The following THBS1 variants were observed in gnomAD, a reference collection of about 807,000 sequenced individuals.
The protein encoded by THBS1 is thrombospondin-1.
In THBS1, 29 loss-of-function variants were observed where a neutral mutation model predicts 126.1. The observed-to-expected ratio is 0.23, with a 90% CI of 0.17 to 0.31. The LOEUF (loss-of-function observed/expected upper bound fraction) is 0.31, where lower values mean the gene tolerates loss of function less well. Ranked by LOEUF, THBS1 falls within the 10% of genes least tolerant of loss-of-function variation. The pLI is 1.00. For missense variants in THBS1, 1,198 were observed against 1,545.2 expected, an observed-to-expected ratio of 0.78 and a Z score of 3.77; for synonymous variants, 496 against 577.8, an observed-to-expected ratio of 0.86 and a Z score of 2.03.
chr15:39,590,511 C>G lies in THBS1; in HGVS notation c.2146-5C>G. 6.2e-7 allele frequency: 1 copy of G among 1,611,406 alleles called. No homozygotes were observed. The highest frequency in any genetic ancestry group is 8.5e-7 in the Non-Finnish European group (1 of 1,178,492). ...AAGCAGTGATATATATCTTCTCTTT[C>G]CTAGGATAATTGCCCCAACCTTCCC... On this transcript the variant is annotated splice_polypyrimidine_tract_variant and splice_region_variant and intron_variant, in intron 13 of 21. Transcript: ENST00000260356.
rs1421921093 is a variant in THBS1 at position 39,583,681 on chromosome 15, G to C, written c.692G>C (p.Gly231Ala). The C allele has an allele frequency of 1.9e-6, 3 of 1,613,918 alleles. No homozygotes were observed. Among genetic ancestry groups the C allele is most frequent in the Non-Finnish European group, 2.5e-6 (3 of 1,179,930 alleles). Residue 231 changes from glycine (G) to alanine (A), a missense_variant, in exon 4 of 22, where the codon GGC becomes GCC. By Grantham distance (60) the Gly-to-Ala change is moderately conservative. Around this residue, in one of 4 missense-constraint regions of THBS1, gnomAD observed 663 missense variants for 860.1 expected, o/e 0.77. Coordinates refer to ENST00000260356, the MANE Select transcript of THBS1 (RefSeq NM_003246.4). ...CCAGAAGACATCCTCAGGAACAAAG[G>C]CTGCTCCAGCTGTGAGTACCCCTCT... ...TTPEDILRNKGCSSSTSVLLT... is the reference protein window; with the variant it reads ...TTPEDILRNKACSSSTSVLLT...
Position 39,591,952 on chromosome 15 carries a change from A to G in THBS1, c.2532+329A>G, listed in dbSNP as rs190312758. ...TGACTGACAACTGTACAATAATATT[A>G]ATCATATGTAATACTAAGAGATGGA... On this transcript the variant is annotated intron_variant, in intron 16 of 21. Coordinates refer to ENST00000260356, the MANE Select transcript of THBS1 (RefSeq NM_003246.4). 5.3e-5 allele frequency among the ~76,000 whole-genome samples: 8 copies of G among 152,332 alleles called. No homozygotes were observed. The East Asian group carries it at 1.5e-3, about 29-fold the overall frequency.
chr15:39,589,391 G>A lies in THBS1; in HGVS notation c.1926+37G>A. 5 of 1,610,122 alleles carry A rather than the reference G, an allele frequency of 3.1e-6. No individual in the cohort carries two copies. Among genetic ancestry groups the A allele is most frequent in the South Asian group, 1.1e-5 (1 of 90,784 alleles). The stretch of plus-strand genomic sequence containing the variant: ...TAGACGAGTAAACCAGAGGACAGGA[G>A]AGCTGTCCTTGACCAAAATAACTGG... On this transcript the variant is annotated intron_variant, in intron 12 of 21. Transcript: ENST00000260356. The surrounding 1 kb of genome is among the most constrained non-coding windows in gnomAD (Gnocchi z 4.7).
At chr15:39,590,075 A>C in intron 13 of THBS1, 52 bp downstream of exon 13, 1 of 1,427,796 alleles carries the variant, frequency 7.0e-7, no homozygotes, top group South Asian at 1.4e-5. Context: ...TCACCTTATC[A>C]AAACACAGGC....
chr15:39,590,274 C>T (rs140773944), intron 13 of THBS1, among the ~76,000 whole-genome samples: 99 of 152,228 alleles, frequency 6.5e-4, no homozygotes, highest in African/African-American at 2.4e-3. Flanking sequence ...GTACTCTATC[C>T]AAATACCAGC....
Position 39,599,386 on chromosome 15 carries a change from C to T in THBS1, c.*4017C>T, listed in dbSNP as rs937131707. On this transcript the variant is annotated 3_prime_UTR_variant, in exon 22 of 22. Transcript: ENST00000260356. ...CCCCCTTACCTAAATAACAGAAAGGCTCACTATGTCCCAAATATCATTGGC... is the reference window on the plus strand; with the variant it reads ...CCCCCTTACCTAAATAACAGAAAGGTTCACTATGTCCCAAATATCATTGGC... 1.3e-5 allele frequency: 2 copies of T among 152,146 alleles called. No individual in the cohort carries two copies. Among genetic ancestry groups the T allele is most frequent in the Middle Eastern group, 3.2e-3 (1 of 316 alleles). The allele number at this position is 152,146 out of a possible 1,614,324, so 9.4% of individuals were successfully genotyped here.
rs1251274326 is a variant in THBS1 at position 39,590,552 on chromosome 15, G to A, written c.2182G>A (p.Asp728Asn). The change falls in exon 14 of 22, where the codon GAC becomes AAC. Residue 728 changes from aspartate to asparagine, a missense_variant. Physicochemically the swap from Asp to Asn is conservative, Grantham distance 23. This residue lies in a region of THBS1 where 663 missense variants were observed against 860.1 expected (regional missense o/e 0.77). Coordinates refer to ENST00000260356, the MANE Select transcript of THBS1 (RefSeq NM_003246.4). Reference sequence around the variant, plus strand: ...CAACCTTCCCAACTCAGGGCAGGAAGACTATGACAAGGATGGAATTGGTGA... The same window carrying A: ...CAACCTTCCCAACTCAGGGCAGGAAAACTATGACAAGGATGGAATTGGTGA... ...CPNLPNSGQE[D>N]YDKDGIGDAC... 1 of 1,614,012 alleles carries A rather than the reference G, an allele frequency of 6.2e-7. No individual in the cohort carries two copies. The highest frequency in any genetic ancestry group is 2.2e-5 in the East Asian group (1 of 44,874).
chr15:39,588,873 T>G lies in THBS1; in HGVS notation c.1646-86T>G, dbSNP rs760976089. ...TATCGGTTCCCTATACCCTATAATA[T>G]CTTACACTGTGTTAAGTGCCCAGCA... On this transcript the variant is annotated intron_variant, in intron 10 of 21. Transcript: ENST00000260356. The G allele has an allele frequency of 3.1e-6, 5 of 1,610,482 alleles. 1 individual carries two copies. The highest frequency in any genetic ancestry group is 3.3e-4 in the Middle Eastern group (2 of 6,058).
rs1216108712 is a variant in THBS1, at chr15:39,589,732, T to G, written c.1927-73T>G. ...TCTGTCTACTCAGAGATGACAGGGA[T>G]CTGGATTCTTGTTTCCATGATATCT... is the stretch of plus-strand genomic sequence containing the variant. On this transcript the variant is annotated intron_variant, in intron 12 of 21. Transcript: ENST00000260356. The surrounding 1 kb of genome is among the most constrained non-coding windows in gnomAD (Gnocchi z 4.7). The G allele has an allele frequency of 1.4e-6, 2 of 1,446,902 alleles. No homozygotes were observed. The highest frequency in any genetic ancestry group is 4.5e-5 in the Admixed American group (2 of 44,132). 89.6% of individuals were successfully genotyped at this position (1,446,902 alleles called of 1,614,324 possible).
rs1006579423 is a variant in THBS1 at position 39,589,702 on chromosome 15, G to A, written c.1927-103G>A. ...GAGGTAACCCACACTCTTCCAAATG[G>A]AGCCTCTGTCTACTCAGAGATGACA... On this transcript the variant is annotated intron_variant, in intron 12 of 21. Transcript: ENST00000260356. This position sits in a 1 kb window ranked among gnomAD's most constrained non-coding sequence, Gnocchi z 4.7. The A allele has an allele frequency of 2.4e-6, 3 of 1,231,392 alleles. No homozygotes were observed. The East Asian group carries it at 7.6e-5, about 31-fold the overall frequency. 76.3% of individuals were successfully genotyped at this position (1,231,392 alleles called of 1,614,324 possible). A position where few individuals can be genotyped will look rare whatever the true frequency, so the allele number is the denominator to read the frequency against.
intron 3 of THBS1, among the ~76,000 whole-genome samples, chr15:39,583,383 T>C (rs1890148143): frequency 6.6e-6 from 1 of 152,224 alleles, no homozygotes; most frequent in Non-Finnish European, 1.5e-5. Flanking sequence ...CCAAGTAGGC[T>C]GATAACTGAA....
intron 3 of THBS1, 54 bp downstream of exon 3, chr15:39,582,806 C>A (rs1426750448): frequency 5.2e-6 from 8 of 1,531,488 alleles, no homozygotes; most frequent in African/African-American, 1.4e-5. Flanking sequence ...AGACAGGTGA[C>A]CTGCCAGGAG....
chr15:39,591,864 G>C (rs540068120), intron 16 of THBS1, among the ~76,000 whole-genome samples: 2 of 152,310 alleles, frequency 1.3e-5, no homozygotes, highest in African/African-American at 4.8e-5. Context: ...TGTAAGAAGG[G>C]CTACTGGACT....
chr15:39,589,264 C>A lies in THBS1; in HGVS notation c.1836C>A (p.Asp612Glu). ...HNGEHRCENT[D>E]PGYNCLPCPP... ...GAGAGCACCGGTGTGAGAACACGGA[C>A]CCCGGCTACAACTGCCTGCCCTGCC... The change falls in exon 12 of 22, where the codon GAC becomes GAA. Residue 612 changes from aspartate (D) to glutamate (E), a missense_variant. Transcript: ENST00000260356. The surrounding 1 kb of genome is among the most constrained non-coding windows in gnomAD (Gnocchi z 4.7). The A allele has an allele frequency of 8.7e-6, 14 of 1,614,136 alleles. No homozygotes were observed. Among genetic ancestry groups the A allele is most frequent in the Non-Finnish European group, 1.2e-5 (14 of 1,180,034 alleles).
rs781523773 is a variant in THBS1, at chr15:39,590,571, T to C, written c.2201T>C (p.Ile734Thr). ...CAGGAAGACTATGACAAGGATGGAATTGGTGATGCCTGTGATGATGACGAT... is the reference window on the plus strand; with the variant it reads ...CAGGAAGACTATGACAAGGATGGAACTGGTGATGCCTGTGATGATGACGAT... ...SGQEDYDKDG[I>T]GDACDDDDDN... The change falls in exon 14 of 22, where the codon ATT (isoleucine) becomes ACT (threonine). Residue 734 changes from isoleucine (I) to threonine (T), a missense_variant. This residue lies in a region of THBS1 where 663 missense variants were observed against 860.1 expected (regional missense o/e 0.77). Coordinates refer to ENST00000260356, the MANE Select transcript of THBS1 (RefSeq NM_003246.4). 4 of 1,614,014 alleles carry C rather than the reference T, an allele frequency of 2.5e-6. No individual in the cohort carries two copies. The highest frequency in any genetic ancestry group is 1.3e-5 in the African/African-American group (1 of 75,036).
chr15:39,585,199 T>A (rs1890187435), intron 6 of THBS1, among the ~76,000 whole-genome samples: 1 of 152,240 alleles, frequency 6.6e-6, no homozygotes, highest in African/African-American at 2.4e-5. Flanking sequence ...TCCTCTGCTA[T>A]AAATTCTTTG....
chr15:39,583,486 G>T, intron 3 of THBS1, 131 bp from the exon 4 acceptor site: 1 of 641,918 alleles, frequency 1.6e-6, no homozygotes, highest in South Asian at 3.0e-5. Context: ...TTGACATAGT[G>T]ATCTTAAGAC....
intron 3 of THBS1, 41 bp from the exon 4 acceptor site, chr15:39,583,576 C>CCCCA: frequency 2.0e-6 from 3 of 1,523,790 alleles, no homozygotes; most frequent in Non-Finnish European, 2.7e-6. Flanking sequence ...ATCCCCACCC[C>CCCCA]GCTCTGCATT....
At chr15:39,582,000 G>A in intron 2 of THBS1, 76 bp downstream of exon 2, 2 of 1,507,762 alleles carry the variant, frequency 1.3e-6, no homozygotes, top group Non-Finnish European at 1.8e-6. Context: ...GCCCCCTCAC[G>A]TGCTGTCCTC....
Sources: allele counts gnomAD v4.1 joint callset (sites outside exome capture counted in the v4.1 genomes callset), GRCh38; gene constraint gnomAD v4.1.1; regional missense constraint gnomAD v4.1.1; non-coding constraint Gnocchi (gnomAD v3.1); transcripts MANE v1.5; gene names NCBI Gene and HGNC (gene_info 2026-07-23, HGNC 2026-07-21).